The following PRDM16 variants were observed in gnomAD, a reference collection of about 807,000 sequenced individuals.
PRDM16 encodes histone-lysine N-methyltransferase PRDM16.
Under a neutral mutation model 110.6 loss-of-function variants are expected in PRDM16, and 23 were observed. The ratio of observed to expected loss-of-function variants is 0.21; its 90% CI spans 0.15 to 0.29. The LOEUF is 0.29. PRDM16 is among the 10% of genes least tolerant of loss of function. PRDM16 has a pLI of 1.00. For missense variants in PRDM16, 1,615 were observed against 1,794.3 expected, an observed-to-expected ratio of 0.90 and a Z score of 1.81; for synonymous variants, 799 against 781.8, an observed-to-expected ratio of 1.02 and a Z score of -0.37.
At chr1:3,112,836 C>T (rs1021881948) in intron 1 of PRDM16, among the ~76,000 whole-genome samples, 10 of 152,246 alleles carry the variant, frequency 6.6e-5, no homozygotes, top group African/African-American at 1.9e-4. Flanking sequence ...GGGTGGGCAG[C>T]CCCGAGGGCC....
intron 1 of PRDM16, among the ~76,000 whole-genome samples, chr1:3,101,262 A>G (rs1642526817): frequency 6.6e-6 from 1 of 152,166 alleles, no homozygotes; most frequent in Non-Finnish European, 1.5e-5. Context: ...AACGCACCTC[A>G]GCTAATCACC....
At chr1:3,093,183 G>T (rs1642316074) in intron 1 of PRDM16, among the ~76,000 whole-genome samples, 1 of 152,154 alleles carries the variant, frequency 6.6e-6, no homozygotes, top group African/African-American at 2.4e-5. Flanking sequence ...CTCTTGAAGG[G>T]CCCAGGCTGG....
At chr1:3,184,858 A>G (rs1644250052) in intron 1 of PRDM16, among the ~76,000 whole-genome samples, 1 of 152,120 alleles carries the variant, frequency 6.6e-6, no homozygotes, top group Non-Finnish European at 1.5e-5. Context: ...GGGCTGGTCC[A>G]GGCTGCGCGT....
At position 3,148,862 on chromosome 1, in the gene PRDM16, T is replaced by C. The variant is rs1569692202; in HGVS notation, c.38-37263T>C. On this transcript the variant is annotated intron_variant, in intron 1 of 16. Coordinates refer to ENST00000270722, the MANE Select transcript of PRDM16 (RefSeq NM_022114.4). This position sits in a 1 kb window ranked among gnomAD's most constrained non-coding sequence, Gnocchi z 5.0. ...TTGTTAATTTATTTTTAAGATTTAGTGTGTTGTGGGGGTTCATCGTTCCAA... is the reference window on the plus strand; with the variant it reads ...TTGTTAATTTATTTTTAAGATTTAGCGTGTTGTGGGGGTTCATCGTTCCAA... Among the ~76,000 whole-genome samples, 1 of 152,188 alleles carries C rather than the reference T, an allele frequency of 6.6e-6. No homozygotes were observed. Among genetic ancestry groups the C allele is most frequent in the African/African-American group, 2.4e-5 (1 of 41,448 alleles).
At chr1:3,347,207 T>G (rs1005325192) in intron 3 of PRDM16, among the ~76,000 whole-genome samples, 2 of 152,158 alleles carry the variant, frequency 1.3e-5, no homozygotes, top group African/African-American at 4.8e-5. Context: ...TGATGGTCTT[T>G]CCACAAGGTT....
intron 1 of PRDM16, among the ~76,000 whole-genome samples, chr1:3,076,546 G>A (rs926128613): frequency 1.3e-5 from 2 of 152,216 alleles, no homozygotes; most frequent in African/African-American, 4.8e-5. Context: ...TCTGCTCTCA[G>A]CGTCCCCGGG....
At chr1:3,114,293 ACG>A (rs1642883285) in intron 1 of PRDM16, among the ~76,000 whole-genome samples, 1 of 124,704 alleles carries the variant, frequency 8.0e-6, no homozygotes, top group South Asian at 3.2e-4. Context: ...CGCAGTGGAA[ACG>A]CACACGCACG....
intron 3 of PRDM16, among the ~76,000 whole-genome samples, chr1:3,312,466 C>G (rs1355889191): frequency 1.3e-5 from 2 of 152,216 alleles, no homozygotes; most frequent in Admixed American, 1.3e-4. Context: ...GCCCACCCGC[C>G]GGCTGCACCT....
chr1:3,232,148 T>C (rs536808890), intron 2 of PRDM16, among the ~76,000 whole-genome samples: 2 of 152,376 alleles, frequency 1.3e-5, no homozygotes, highest in East Asian at 1.9e-4. Flanking sequence ...ACATTCCTTA[T>C]GTGAGAGAAA....
In PRDM16 at chr1:3,411,700, C is replaced by T; in HGVS notation, c.1503C>T (p.Ser501=). Residue 501 remains serine (S), a synonymous_variant, in exon 9 of 17, where the codon TCC becomes TCT. Transcript: ENST00000270722. ...SRPHPGSLPF[S]TAPPTFPALT... is the part of the protein sequence containing the mutation. ...CGCACCCGGGGAGCCTGCCCTTCTCCACGGCGCCTCCCACGTTCCCCGCAC... is the reference window on the plus strand; with the variant it reads ...CGCACCCGGGGAGCCTGCCCTTCTCTACGGCGCCTCCCACGTTCCCCGCAC... 6.2e-7 allele frequency: 1 copy of T among 1,610,202 alleles called. No homozygotes were observed. Among genetic ancestry groups the T allele is most frequent in the South Asian group, 1.1e-5 (1 of 90,624 alleles).
chr1:3,365,944 G>GCA (rs56403332), intron 3 of PRDM16, among the ~76,000 whole-genome samples: 93,195 of 151,708 alleles, frequency 0.61, 30,080 homozygotes, highest in African/African-American at 0.81. Flanking sequence ...GCACACAAAC[G>GCA]CACACGCATG....
intron 3 of PRDM16, among the ~76,000 whole-genome samples, chr1:3,346,394 C>T (rs1642363616): frequency 6.6e-6 from 1 of 152,126 alleles, no homozygotes. Flanking sequence ...GGGCCTTGGG[C>T]AGAACACGGG....
intron 2 of PRDM16, among the ~76,000 whole-genome samples, chr1:3,204,911 C>T (rs1050623405): frequency 1.3e-5 from 2 of 152,162 alleles, no homozygotes; most frequent in Non-Finnish European, 1.5e-5. Context: ...GGGGCCCTCG[C>T]CGGGACAATG....
intron 1 of PRDM16, among the ~76,000 whole-genome samples, chr1:3,108,327 G>T (rs1642713074): frequency 6.6e-6 from 1 of 152,234 alleles, no homozygotes; most frequent in African/African-American, 2.4e-5. Flanking sequence ...TATGTATGGT[G>T]TGAGGTAGGG....
intron 5 of PRDM16, among the ~76,000 whole-genome samples, chr1:3,400,013 C>G (rs913622409): frequency 6.6e-6 from 1 of 152,118 alleles, no homozygotes; most frequent in African/African-American, 2.4e-5. Flanking sequence ...AGTGAAAATC[C>G]CAGTTTCTGA....
At chr1:3,277,743 A>G (rs1640619537) in intron 3 of PRDM16, among the ~76,000 whole-genome samples, 1 of 147,508 alleles carries the variant, frequency 6.8e-6, no homozygotes, top group Admixed American at 6.9e-5. Context: ...GCACACACGC[A>G]CACGCACACA....
chr1:3,406,135 G>C (rs1230630893), intron 8 of PRDM16, among the ~76,000 whole-genome samples: 1 of 152,182 alleles, frequency 6.6e-6, no homozygotes. Flanking sequence ...TTCCAGTGCG[G>C]GGGCCAGCCC....
At chr1:3,107,623 C>T (rs1258720156) in intron 1 of PRDM16, among the ~76,000 whole-genome samples, 1 of 152,198 alleles carries the variant, frequency 6.6e-6, no homozygotes. Flanking sequence ...TGGTAAACCC[C>T]GTGAAGGTGT....
chr1:3,155,345 C>T (rs75437995), intron 1 of PRDM16, among the ~76,000 whole-genome samples: 9,900 of 152,280 alleles, frequency 0.065, 570 homozygotes, highest in East Asian at 0.3. Flanking sequence ...CCGCGGCTGC[C>T]GTGTGGCTTC....
Sources: allele counts gnomAD v4.1 joint callset (sites outside exome capture counted in the v4.1 genomes callset), GRCh38; gene constraint gnomAD v4.1.1; non-coding constraint Gnocchi (gnomAD v3.1); transcripts MANE v1.5; gene names NCBI Gene and HGNC (gene_info 2026-07-23, HGNC 2026-07-21).